AIG1: variants seen among roughly 807,000 people sequenced by gnomAD.
AIG1 encodes the protein androgen induced 1.
A neutral mutation model predicts 31.4 loss-of-function variants in AIG1; 23 were observed. That is an observed-to-expected ratio of 0.73 (90% CI 0.53 to 1.04). The LOEUF is 1.04. AIG1 is among the 50% of genes least tolerant of loss of function. The pLI, the probability that AIG1 is intolerant of heterozygous loss-of-function variation, is 0.00. For missense variants in AIG1, 274 were observed against 295.0 expected, an observed-to-expected ratio of 0.93 and a Z score of 0.52; for synonymous variants, 100 against 110.5, an observed-to-expected ratio of 0.90 and a Z score of 0.60.
chr6:143,296,230 A>T lies in AIG1; in HGVS notation c.515+12005A>T, dbSNP rs9496566. Among the ~76,000 whole-genome samples the T allele has an allele frequency of 9.3e-3, 1,418 of 152,230 alleles. 16 individuals are homozygous for T. Among genetic ancestry groups the T allele is most frequent in the African/African-American group, 0.033 (1,364 of 41,526 alleles). On this transcript the variant is annotated intron_variant, in intron 4 of 5. Transcript: ENST00000357847. ...CCTGCCTGATTCATTTAAATTGCCA[A>T]CTGAAGCTGATAAAGTTGTAGCAGA...
At chr6:143,193,681 T>C (rs1441233933) in intron 3 of AIG1, among the ~76,000 whole-genome samples, 2 of 152,222 alleles carry the variant, frequency 1.3e-5, no homozygotes, top group African/African-American at 4.8e-5. Context: ...GCTTTCCTAT[T>C]CCTTAATAGA....
At chr6:143,203,485 T>C (rs1378366951) in intron 3 of AIG1, among the ~76,000 whole-genome samples, 3 of 152,192 alleles carry the variant, frequency 2.0e-5, no homozygotes, top group Non-Finnish European at 4.4e-5. Flanking sequence ...CAGTAAAATG[T>C]TTTAGACTGG....
In AIG1 at chr6:143,125,808, C is replaced by A. The variant is rs73590476; in HGVS notation, c.142-11027C>A. 7.6e-3 allele frequency among the ~76,000 whole-genome samples: 1,155 copies of A among 152,258 alleles called. 11 individuals are homozygous for A. The highest frequency in any genetic ancestry group is 0.026 in the African/African-American group (1,072 of 41,530). The stretch of plus-strand genomic sequence containing the variant: ...AATTATGTTGACAAGCTTTCATTCC[C>A]AAAGCTGCTTATCTATGTACATTAT... On this transcript the variant is annotated intron_variant, in intron 1 of 5. Coordinates refer to ENST00000357847, the MANE Select transcript of AIG1 (RefSeq NM_016108.4).
chr6:143,083,404 A>G (rs1778465809), intron 1 of AIG1, among the ~76,000 whole-genome samples: 1 of 152,192 alleles, frequency 6.6e-6, no homozygotes, highest in African/African-American at 2.4e-5. Flanking sequence ...TTGGGTTCAA[A>G]GGATCTTCAA....
Position 143,288,608 on chromosome 6 carries a change from C to G in AIG1, c.515+4383C>G, listed in dbSNP as rs1384326073. 6.6e-6 allele frequency among the ~76,000 whole-genome samples: 1 copy of G among 152,268 alleles called. No homozygotes were observed. The highest frequency in any genetic ancestry group is 1.9e-4 in the East Asian group (1 of 5,186). ...CCAAATGTGTTCACTGAATAACTTT[C>G]CAACACAGAAAATAAAACAAAGTCA... On this transcript the variant is annotated intron_variant, in intron 4 of 5. Transcript: ENST00000357847. This position sits in a 1 kb window ranked among gnomAD's most constrained non-coding sequence, Gnocchi z 4.4.
Position 143,235,491 on chromosome 6 carries a change from G to A in AIG1, c.400-48619G>A, listed in dbSNP as rs149711140. On this transcript the variant is annotated intron_variant, in intron 3 of 5. Coordinates refer to ENST00000357847, the MANE Select transcript of AIG1 (RefSeq NM_016108.4). ...TTTTCTGACCTGAAGCTAAACCTGT[G>A]CATGAGAAGGGGAGTACATCAAAGA... is the stretch of plus-strand genomic sequence containing the variant. 1.6e-4 allele frequency among the ~76,000 whole-genome samples: 24 copies of A among 152,240 alleles called. 1 individual carries two copies.
chr6:143,337,723 A>G (rs3804536), intron 5 of AIG1, among the ~76,000 whole-genome samples: 35,494 of 152,018 alleles, frequency 0.23, 4,477 homozygotes, highest in Admixed American at 0.34. Flanking sequence ...CTACCCGTGC[A>G]GGTCATTTCC....
intron 1 of AIG1, among the ~76,000 whole-genome samples, chr6:143,077,784 A>AATT (rs925508128): frequency 2.0e-5 from 3 of 151,910 alleles, no homozygotes; most frequent in African/African-American, 7.3e-5. Context: ...TTCTATGATT[A>AATT]CCTCTTTCTT....
intron 3 of AIG1, among the ~76,000 whole-genome samples, chr6:143,281,702 C>T (rs77882875): frequency 0.023 from 3,435 of 152,204 alleles, 54 homozygotes; most frequent in East Asian, 0.053. Context: ...TTTGTTAATA[C>T]GTACTATGTA....
At position 143,334,115 on chromosome 6, in the gene AIG1, C is replaced by T. The variant is rs1265805559; in HGVS notation, c.679+670C>T. ...GGCAAGGCACGTAATCTTATCCAAGCTGTGCAAAACCTGTCCAAAGTGTAT... is the reference window on the plus strand; with the variant it reads ...GGCAAGGCACGTAATCTTATCCAAGTTGTGCAAAACCTGTCCAAAGTGTAT... On this transcript the variant is annotated intron_variant, in intron 5 of 5. Coordinates refer to ENST00000357847, the MANE Select transcript of AIG1 (RefSeq NM_016108.4). The surrounding 1 kb of genome is among the most constrained non-coding windows in gnomAD (Gnocchi z 5.1). 1 of 1,550,136 alleles carries T rather than the reference C, an allele frequency of 6.5e-7. No homozygotes were observed. The highest frequency in any genetic ancestry group is 8.7e-7 in the Non-Finnish European group (1 of 1,146,678).
chr6:143,075,870 TA>T (rs933049211), intron 1 of AIG1, among the ~76,000 whole-genome samples: 1 of 152,202 alleles, frequency 6.6e-6, no homozygotes, highest in African/African-American at 2.4e-5. Context: ...TTGTACACTA[TA>T]TTTTTTTACA....
At chr6:143,257,316 G>C (rs531107430) in intron 3 of AIG1, among the ~76,000 whole-genome samples, 1 of 152,092 alleles carries the variant, frequency 6.6e-6, no homozygotes, top group East Asian at 1.9e-4. Flanking sequence ...ATATTTACAA[G>C]TAGCATAACT....
Position 143,307,279 on chromosome 6 carries a change from G to A in AIG1, c.515+23054G>A, listed in dbSNP as rs1045713623. 6.2e-4 allele frequency among the ~76,000 whole-genome samples: 94 copies of A among 152,180 alleles called. 1 individual carries two copies. Among genetic ancestry groups the A allele is most frequent in the African/African-American group, 2.2e-3 (92 of 41,456 alleles). On this transcript the variant is annotated intron_variant, in intron 4 of 5. Transcript: ENST00000357847. ...TCCTTTGGAGGAGGAGAGGCTCTCT[G>A]CTTTTTAGAGTTGCCAGTTTTTCTG...
At chr6:143,244,212 C>T (rs1794453601) in intron 3 of AIG1, among the ~76,000 whole-genome samples, 1 of 152,030 alleles carries the variant, frequency 6.6e-6, no homozygotes, top group Admixed American at 6.6e-5. Flanking sequence ...GGAGTGTTTC[C>T]CGGAGGAAAT....
intron 3 of AIG1, among the ~76,000 whole-genome samples, chr6:143,216,777 C>T (rs772350299): frequency 4.6e-5 from 7 of 152,280 alleles, no homozygotes; most frequent in Admixed American, 2.0e-4. Context: ...AAGTGGTCTA[C>T]GCTTCCCTAC....
intron 3 of AIG1, among the ~76,000 whole-genome samples, chr6:143,175,258 A>G (rs1562458835): frequency 6.6e-6 from 1 of 152,198 alleles, no homozygotes; most frequent in Non-Finnish European, 1.5e-5. Context: ...TGTTGATTTT[A>G]GATAACCTGA....
chr6:143,126,607 T>C (rs1257340168), intron 1 of AIG1, among the ~76,000 whole-genome samples: 2 of 152,204 alleles, frequency 1.3e-5, no homozygotes, highest in Non-Finnish European at 2.9e-5. Context: ...ATTATTTAAC[T>C]TCTTTTAGTC....
intron 3 of AIG1, among the ~76,000 whole-genome samples, chr6:143,196,544 A>G (rs1426167801): frequency 1.3e-5 from 2 of 152,186 alleles, no homozygotes; most frequent in Non-Finnish European, 2.9e-5. Context: ...TTCTGAGGGG[A>G]TTCAAAAAGG....
At position 143,333,715 on chromosome 6, in the gene AIG1, G is replaced by T. The variant is rs1777266187; in HGVS notation, c.679+270G>T. Among the ~76,000 whole-genome samples, 1 of 152,180 alleles carries T rather than the reference G, an allele frequency of 6.6e-6. No homozygotes were observed. The highest frequency in any genetic ancestry group is 2.1e-4 in the South Asian group (1 of 4,830). On this transcript the variant is annotated intron_variant, in intron 5 of 5. Transcript: ENST00000357847. This position sits in a 1 kb window ranked among gnomAD's most constrained non-coding sequence, Gnocchi z 4.6. ...TCTATAAAATTTTATAGGGAAAAAT[G>T]TAGTGTTAGCAAAAAATATATATTA...
Sources: allele counts gnomAD v4.1 joint callset (sites outside exome capture counted in the v4.1 genomes callset), GRCh38; gene constraint gnomAD v4.1.1; non-coding constraint Gnocchi (gnomAD v3.1); transcripts MANE v1.5; gene names NCBI Gene and HGNC (gene_info 2026-07-23, HGNC 2026-07-21).